The following AGO3 variants were observed in gnomAD, a reference collection of about 807,000 sequenced individuals.
The protein encoded by AGO3 is protein argonaute-3.
A neutral mutation model predicts 105.5 loss-of-function variants in AGO3; 16 were observed. The ratio of observed to expected loss-of-function variants is 0.15; its 90% CI spans 0.10 to 0.23. The LOEUF (loss-of-function observed/expected upper bound fraction) is 0.23, where lower values mean the gene tolerates loss of function less well. Among genes scored for constraint, AGO3 ranks in the 10% least tolerant of loss-of-function variants. AGO3 has a pLI of 1.00. For synonymous variants in AGO3, 340 were observed against 367.3 expected (o/e 0.93, Z 0.85); for missense variants, 534 against 1,088.0 (o/e 0.49, Z 7.16).
chr1:35,973,648 C>A (rs3736910), intron 5 of AGO3, 137 bp downstream of exon 5: 5 of 1,018,990 alleles, frequency 4.9e-6, no homozygotes, highest in East Asian at 3.2e-5. Flanking sequence ...CTGGAGAAAC[C>A]TTTATATTTT....
At chr1:36,011,042 G>A (rs1640588707) in intron 9 of AGO3, among the ~76,000 whole-genome samples, 1 of 152,174 alleles carries the variant, frequency 6.6e-6, no homozygotes, top group Non-Finnish European at 1.5e-5. Flanking sequence ...TGTTCTAAAT[G>A]AGGGGAAGGA....
chr1:35,969,235 A>T (rs1181950554), intron 3 of AGO3, among the ~76,000 whole-genome samples: 1 of 152,142 alleles, frequency 6.6e-6, no homozygotes, highest in Non-Finnish European at 1.5e-5. Context: ...TCTGGATATT[A>T]ACTATATATA....
Position 36,008,944 on chromosome 1 carries a change from C to T in AGO3, c.929C>T (p.Ala310Val), listed in dbSNP as rs777420347. The T allele has an allele frequency of 7.4e-6, 12 of 1,613,598 alleles. No individual in the cohort carries two copies. The highest frequency in any genetic ancestry group is 1.3e-5 in the African/African-American group (1 of 74,760). Residue 310 changes from alanine (A) to valine (V), a missense_variant, in exon 8 of 19, where the codon GCG (alanine) becomes GTG (valine). Ala to Val is a moderately conservative substitution (Grantham distance 64). Coordinates refer to ENST00000373191, the MANE Select transcript of AGO3 (RefSeq NM_024852.4). This position sits in a 1 kb window ranked among gnomAD's most constrained non-coding sequence, Gnocchi z 5.1. ...ENGQTVERTVAQYFREKYTLQ... is the reference protein window; with the variant it reads ...ENGQTVERTVVQYFREKYTLQ... ...GGCCAAACTGTGGAGAGAACAGTAG[C>T]GCAGTATTTCAGAGAAAAGTATACT...
chr1:36,048,413 G>A (rs924568260), intron 17 of AGO3, among the ~76,000 whole-genome samples: 1 of 151,898 alleles, frequency 6.6e-6, no homozygotes, highest in African/African-American at 2.4e-5. Context: ...CACTAGATTC[G>A]ACCTATAGGA....
chr1:35,942,159 C>T (rs1015907496), intron 1 of AGO3, among the ~76,000 whole-genome samples: 1 of 152,062 alleles, frequency 6.6e-6, no homozygotes, highest in Non-Finnish European at 1.5e-5. Flanking sequence ...AAACACAAAG[C>T]GGAATTTAAA....
At chr1:36,037,501 A>G (rs564776867) in intron 14 of AGO3, among the ~76,000 whole-genome samples, 2 of 152,294 alleles carry the variant, frequency 1.3e-5, no homozygotes, top group South Asian at 4.1e-4. Context: ...AGCCTGGGTG[A>G]CAGAGGGAGA....
intron 12 of AGO3, among the ~76,000 whole-genome samples, chr1:36,028,322 G>A (rs76873692): frequency 2.0e-5 from 3 of 151,088 alleles, no homozygotes; most frequent in Non-Finnish European, 2.9e-5. Context: ...GTGTATACAT[G>A]TGCCATGCTG....
chr1:35,973,612 A>G (rs890205906), intron 5 of AGO3, 101 bp downstream of exon 5: 1 of 1,226,082 alleles, frequency 8.2e-7, no homozygotes, highest in Non-Finnish European at 1.1e-6. Context: ...GTCTCGAAGT[A>G]ATATTTGGAC....
intron 14 of AGO3, among the ~76,000 whole-genome samples, chr1:36,038,958 G>A (rs1021600159): frequency 1.3e-5 from 2 of 152,174 alleles, no homozygotes; most frequent in Admixed American, 1.3e-4. Context: ...AAGTGGAAGA[G>A]ATAGGAAGAA....
intron 1 of AGO3, among the ~76,000 whole-genome samples, chr1:35,934,767 C>CAG (rs1646118675): frequency 6.6e-6 from 1 of 152,064 alleles, no homozygotes; most frequent in African/African-American, 2.4e-5. Context: ...TCTCTTGTCT[C>CAG]AGCCTCCCGA....
intron 5 of AGO3, among the ~76,000 whole-genome samples, chr1:35,995,209 A>AAAAAATATATATAT (rs1237315557): frequency 1.7e-4 from 19 of 114,732 alleles, no homozygotes; most frequent in African/African-American, 7.1e-4. Context: ...TAAAAAAAAA[A>AAAAAATATATATAT]ATATATATAT....
At position 36,014,053 on chromosome 1, in the gene AGO3, G is replaced by C; in HGVS notation, c.1406+5G>C. The C allele has an allele frequency of 6.2e-7, 1 of 1,614,082 alleles. No homozygotes were observed. The highest frequency in any genetic ancestry group is 8.5e-7 in the Non-Finnish European group (1 of 1,179,980). On this transcript the variant is annotated splice_donor_5th_base_variant and intron_variant, in intron 11 of 18. Coordinates refer to ENST00000373191, the MANE Select transcript of AGO3 (RefSeq NM_024852.4). ...GTGCAGAGAAGAAATATTGAAGTAA[G>C]ACATGTCATTACCTTGGCTTTGGGA...
rs552638741 is a variant in AGO3, at chr1:36,069,557, AAG to A, written c.*13816_*13817del. On this transcript the variant is annotated 3_prime_UTR_variant, in exon 19 of 19. Coordinates refer to ENST00000373191, the MANE Select transcript of AGO3 (RefSeq NM_024852.4). ...GTAGATCATTTTATGAAATAGGAAT[AAG>A]AGAAACATAGGCCTTATCATGGTGT... 71 of 152,354 alleles carry A rather than the reference AAG, an allele frequency of 4.7e-4. No homozygotes were observed. The highest frequency in any genetic ancestry group is 1.6e-3 in the African/African-American group (65 of 41,590). The allele number at this position is 152,354 out of a possible 1,614,324, so 9.4% of individuals were successfully genotyped here.
intron 12 of AGO3, among the ~76,000 whole-genome samples, chr1:36,031,897 T>G (rs172081): frequency 0.086 from 11,723 of 135,904 alleles, 528 homozygotes; most frequent in African/African-American, 0.1. Context: ...TATGTGTGTG[T>G]GGGGGGGCGG....
intron 5 of AGO3, among the ~76,000 whole-genome samples, chr1:35,991,841 TC>T (rs1647694865): frequency 6.6e-6 from 1 of 152,140 alleles, no homozygotes; most frequent in African/African-American, 2.4e-5. Context: ...TGCTTATGCT[TC>T]CCTCAAATTC....
intron 1 of AGO3, among the ~76,000 whole-genome samples, chr1:35,934,833 G>A (rs181945358): frequency 1.7e-4 from 26 of 152,166 alleles, no homozygotes; most frequent in African/African-American, 6.3e-4. Context: ...TGTATTTTTA[G>A]TAGAGACGGG....
At position 36,062,900 on chromosome 1, in the gene AGO3, C is replaced by G. The variant is rs920117842; in HGVS notation, c.*7155C>G. 1 of 152,050 alleles carries G rather than the reference C, an allele frequency of 6.6e-6. No individual in the cohort carries two copies. The highest frequency in any genetic ancestry group is 1.5e-5 in the Non-Finnish European group (1 of 68,018). The allele number at this position is 152,050 out of a possible 1,614,324, so 9.4% of individuals were successfully genotyped here. On this transcript the variant is annotated 3_prime_UTR_variant, in exon 19 of 19. Transcript: ENST00000373191. The stretch of plus-strand genomic sequence containing the variant: ...TTAAACTTTTTTGTTTTTATAATGT[C>G]TTAATAGCAATTATGAGTTTATTTT...
intron 1 of AGO3, among the ~76,000 whole-genome samples, chr1:35,941,403 TA>T (rs1364823741): frequency 2.0e-5 from 3 of 151,630 alleles, no homozygotes; most frequent in African/African-American, 7.3e-5. Context: ...GAGTGATACT[TA>T]AAAAAAAATT....
chr1:35,968,667 C>A (rs1422014516), intron 3 of AGO3, among the ~76,000 whole-genome samples: 1 of 152,154 alleles, frequency 6.6e-6, no homozygotes, highest in African/African-American at 2.4e-5. Flanking sequence ...TCAATGGACA[C>A]CTTTTGGCTA....
Sources: allele counts gnomAD v4.1 joint callset (sites outside exome capture counted in the v4.1 genomes callset), GRCh38; gene constraint gnomAD v4.1.1; non-coding constraint Gnocchi (gnomAD v3.1); transcripts MANE v1.5; gene names NCBI Gene and HGNC (gene_info 2026-07-23, HGNC 2026-07-21).